The following CCDC3 variants were observed in gnomAD, a reference collection of about 807,000 sequenced individuals.
CCDC3 encodes the protein coiled-coil domain-containing protein 3.
Under a neutral mutation model 21.4 loss-of-function variants are expected in CCDC3, and 24 were observed. The ratio of observed to expected loss-of-function variants is 1.12; its 90% CI spans 0.81 to 1.58. The LOEUF (loss-of-function observed/expected upper bound fraction) is 1.58. Ranked by LOEUF, CCDC3 falls within the 40% of genes most tolerant of loss-of-function variation. The probability of loss-of-function intolerance (pLI) is 0.00; values close to 1 mark genes in which losing one functional copy is unlikely to be tolerated. For missense variants in CCDC3, 425 were observed against 360.9 expected, an observed-to-expected ratio of 1.18 and a Z score of -1.44; for synonymous variants, 186 against 166.0, an observed-to-expected ratio of 1.12 and a Z score of -0.93.
intron 2 of CCDC3, among the ~76,000 whole-genome samples, chr10:12,927,831 A>G (rs1564287153): frequency 6.6e-6 from 1 of 152,226 alleles, no homozygotes; most frequent in Non-Finnish European, 1.5e-5. Context: ...TTTCAATTCA[A>G]TTGCAAGTGA....
At chr10:13,008,191 G>A (rs1333086992) in intron 5 of CCDC3, among the ~76,000 whole-genome samples, 2 of 152,196 alleles carry the variant, frequency 1.3e-5, no homozygotes, top group African/African-American at 2.4e-5. Flanking sequence ...TCCTAGGCAT[G>A]CAGCCCAACA....
At chr10:13,090,698 G>T (rs922126390) in intron 3 of CCDC3, among the ~76,000 whole-genome samples, 1 of 152,200 alleles carries the variant, frequency 6.6e-6, no homozygotes, top group East Asian at 1.9e-4. Flanking sequence ...AAAATCCATA[G>T]ATTGAAATCC....
At chr10:13,033,979 A>T (rs1836341213) in intron 5 of CCDC3, among the ~76,000 whole-genome samples, 1 of 152,212 alleles carries the variant, frequency 6.6e-6, no homozygotes, top group Non-Finnish European at 1.5e-5. Context: ...TGACCCAGCA[A>T]TCCCATTACT....
chr10:12,964,720 A>C (rs940746378), intron 2 of CCDC3, among the ~76,000 whole-genome samples: 4 of 152,208 alleles, frequency 2.6e-5, no homozygotes, highest in African/African-American at 9.6e-5. Context: ...TTAACAATGT[A>C]ATTGACTCCA....
At chr10:13,028,649 T>G (rs972687543) in intron 5 of CCDC3, among the ~76,000 whole-genome samples, 1 of 151,960 alleles carries the variant, frequency 6.6e-6, no homozygotes, top group African/African-American at 2.4e-5. Context: ...GGTATTGGAG[T>G]GAATTTGTGG....
chr10:12,917,717 T>C (rs1189617396), intron 2 of CCDC3, among the ~76,000 whole-genome samples: 2 of 152,240 alleles, frequency 1.3e-5, no homozygotes, highest in African/African-American at 2.4e-5. Context: ...TTACATGGTA[T>C]AAAAACATTG....
intron 5 of CCDC3, among the ~76,000 whole-genome samples, chr10:13,016,365 T>C (rs986573732): frequency 3.3e-5 from 5 of 151,960 alleles, no homozygotes; most frequent in African/African-American, 1.2e-4. Flanking sequence ...CAACTTTCTT[T>C]TACATTTGAA....
At position 13,045,951 on chromosome 10, in the gene CCDC3, C is replaced by T. The variant is rs1045559612; in HGVS notation, c.-2+3723G>A. Among the ~76,000 whole-genome samples, 6 of 151,482 alleles carry T rather than the reference C, an allele frequency of 4.0e-5. No individual in the cohort carries two copies. In the East Asian group the frequency reaches 7.9e-4, roughly 20 times the overall value. On this transcript the variant is annotated intron_variant, in intron 5 of 6. Transcript: ENST00000378839. ...GAAAAATACAAAAATTAGCCGGGTG[C>T]GGTGGCATGCACCTGAAATCCCAGC...
intron 2 of CCDC3, among the ~76,000 whole-genome samples, chr10:12,928,617 T>C (rs1834585488): frequency 6.6e-6 from 1 of 152,202 alleles, no homozygotes; most frequent in Non-Finnish European, 1.5e-5. Context: ...CGTGTATATT[T>C]AATACCATTG....
intron 4 of CCDC3, among the ~76,000 whole-genome samples, chr10:13,054,009 G>C (rs1313329075): frequency 6.6e-6 from 1 of 152,074 alleles, no homozygotes; most frequent in Non-Finnish European, 1.5e-5. Context: ...AGCTGGCATG[G>C]TGGTGCATGC....
chr10:12,975,856 T>A (rs899028224), intron 2 of CCDC3, among the ~76,000 whole-genome samples: 6 of 152,096 alleles, frequency 3.9e-5, no homozygotes, highest in Non-Finnish European at 7.3e-5. Context: ...AAATTTCATC[T>A]CCCCTGGTTT....
At chr10:12,918,530 G>A (rs1406125723) in intron 2 of CCDC3, among the ~76,000 whole-genome samples, 2 of 152,072 alleles carry the variant, frequency 1.3e-5, no homozygotes, top group Non-Finnish European at 2.9e-5. Context: ...GCTTCATTCT[G>A]GATTTAACCT....
chr10:13,074,942 A>G (rs1218584883), intron 3 of CCDC3, among the ~76,000 whole-genome samples: 1 of 152,220 alleles, frequency 6.6e-6, no homozygotes, highest in East Asian at 1.9e-4. Context: ...CTGGCCCTAT[A>G]GAAATAGATT....
At chr10:13,053,548 T>C (rs1836640347) in intron 4 of CCDC3, among the ~76,000 whole-genome samples, 1 of 152,118 alleles carries the variant, frequency 6.6e-6, no homozygotes, top group Non-Finnish European at 1.5e-5. Flanking sequence ...AGAGTGAGAC[T>C]CCATCTCTAA....
intron 5 of CCDC3, among the ~76,000 whole-genome samples, chr10:13,047,148 G>C (rs962914141): frequency 6.6e-5 from 10 of 152,026 alleles, no homozygotes; most frequent in African/African-American, 2.4e-4. Context: ...GTTCTCACCA[G>C]AACAATTATA....
intron 4 of CCDC3, among the ~76,000 whole-genome samples, chr10:13,060,917 CA>C (rs1836749434): frequency 6.6e-6 from 1 of 152,120 alleles, no homozygotes; most frequent in African/African-American, 2.4e-5. Flanking sequence ...ATATAAAAAT[CA>C]GATTTTAATG....
intron 1 of CCDC3, among the ~76,000 whole-genome samples, chr10:12,999,715 A>T (rs1243244977): frequency 6.6e-6 from 1 of 152,222 alleles, no homozygotes; most frequent in Non-Finnish European, 1.5e-5. Context: ...TATTGGACAA[A>T]CTGTATTTCA....
rs75435875 is a variant in CCDC3 at position 12,904,729 on chromosome 10, A to G, written c.550-6050T>C. On this transcript the variant is annotated intron_variant, in intron 2 of 2. Coordinates refer to ENST00000378825, the MANE Select transcript of CCDC3 (RefSeq NM_031455.4). The stretch of plus-strand genomic sequence containing the variant: ...TTTCTCCGGGAAGCTCAGGTGTGAG[A>G]AAGTTTCACCATCAACATCTTGAGC... Among the ~76,000 whole-genome samples, 197 of 152,262 alleles carry G rather than the reference A, an allele frequency of 1.3e-3. 3 individuals are homozygous for G. The East Asian group carries it at 0.026, about 20-fold the overall frequency.
intron 2 of CCDC3, among the ~76,000 whole-genome samples, chr10:12,969,516 C>T (rs1835309997): frequency 1.3e-5 from 2 of 151,590 alleles, no homozygotes; most frequent in Non-Finnish European, 2.9e-5. Flanking sequence ...GATTCAGAAG[C>T]TTACGTACCC....
Sources: allele counts gnomAD v4.1 joint callset (sites outside exome capture counted in the v4.1 genomes callset), GRCh38; gene constraint gnomAD v4.1.1; transcripts MANE v1.5; gene names NCBI Gene and HGNC (gene_info 2026-07-23, HGNC 2026-07-21).